Variants in QTGAL observed in about 807,000 individuals in gnomAD.
The protein encoded by QTGAL is BGnT-like protein 1.
At chr17:83,027,699 C>CAAAAAA in the QTGAL span, among the ~76,000 whole-genome samples, 11 of 31,454 alleles carry the variant, frequency 3.5e-4, no homozygotes, top group African/African-American at 3.9e-4. Context: ...GAGACGCTCT[C>CAAAAAA]AAAAAAAAAA....
the QTGAL span, among the ~76,000 whole-genome samples, chr17:82,973,838 C>T: frequency 6.6e-5 from 10 of 152,304 alleles, no homozygotes; most frequent in Admixed American, 6.5e-5. Context: ...CAGGCAGTGG[C>T]CCCACAATGG....
chr17:82,989,054 A>G, the QTGAL span, among the ~76,000 whole-genome samples: 2 of 152,244 alleles, frequency 1.3e-5, no homozygotes, highest in Admixed American at 6.5e-5. Context: ...ATGCACGCGT[A>G]TGTTCACTGC....
the QTGAL span, among the ~76,000 whole-genome samples, chr17:82,990,533 A>C: frequency 1.3e-5 from 2 of 152,262 alleles, no homozygotes; most frequent in Admixed American, 1.3e-4. Flanking sequence ...GAAAAAACAA[A>C]CTTTATTGGT....
At chr17:83,000,037 A>G in the QTGAL span, among the ~76,000 whole-genome samples, 3 of 152,154 alleles carry the variant, frequency 2.0e-5, no homozygotes, top group Non-Finnish European at 4.4e-5. Flanking sequence ...ATCTCAGCTC[A>G]CTGCAACCTC....
At chr17:82,974,844 C>T in the QTGAL span, among the ~76,000 whole-genome samples, 1 of 152,228 alleles carries the variant, frequency 6.6e-6, no homozygotes, top group African/African-American at 2.4e-5. Context: ...CAGGTGGAAG[C>T]AGGCAAAGAA....
the QTGAL span, among the ~76,000 whole-genome samples, chr17:82,966,282 C>T: frequency 4.0e-5 from 6 of 151,380 alleles, no homozygotes; most frequent in East Asian, 1.9e-4. Context: ...CTTAAACTCC[C>T]GGCCTCAAGC....
the QTGAL span, among the ~76,000 whole-genome samples, chr17:82,997,553 G>A: frequency 6.6e-6 from 1 of 152,128 alleles, no homozygotes; most frequent in Non-Finnish European, 1.5e-5. Context: ...CAAAAGAAAG[G>A]AAATCAGTAT....
chr17:82,990,028 A>G, the QTGAL span, among the ~76,000 whole-genome samples: 4 of 152,182 alleles, frequency 2.6e-5, no homozygotes, highest in Non-Finnish European at 5.9e-5. Flanking sequence ...ATGAGCTCAC[A>G]TTCATCTTCT....
the QTGAL span, among the ~76,000 whole-genome samples, chr17:83,036,683 G>A: frequency 2.6e-5 from 4 of 152,150 alleles, no homozygotes; most frequent in Non-Finnish European, 4.4e-5. Flanking sequence ...TGTTAAGAAC[G>A]TGAACCAGCA....
chr17:82,985,594 G>A, the QTGAL span, among the ~76,000 whole-genome samples: 5 of 152,256 alleles, frequency 3.3e-5, no homozygotes, highest in African/African-American at 9.6e-5. Context: ...CCGTTTTCAC[G>A]TGACTCCTGC....
At chr17:82,994,761 C>G in the QTGAL span, among the ~76,000 whole-genome samples, 7 of 152,094 alleles carry the variant, frequency 4.6e-5, no homozygotes, top group African/African-American at 1.7e-4. Context: ...AACTATAGGC[C>G]AATATCACTG....
chr17:82,981,133 G>A, the QTGAL span: 1 of 152,236 alleles, frequency 6.6e-6, no homozygotes, highest in Non-Finnish European at 1.5e-5. Flanking sequence ...CAGGGGGTCA[G>A]AGTCAGGGAT....
chr17:83,028,299 C>T, the QTGAL span, among the ~76,000 whole-genome samples: 75 of 151,278 alleles, frequency 5.0e-4, no homozygotes, highest in Middle Eastern at 3.5e-3. Context: ...CCGAGGCGGG[C>T]GGATCACGAG....
the QTGAL span, chr17:82,957,595 T>TG: frequency 7.0e-7 from 1 of 1,418,794 alleles, no homozygotes; most frequent in Non-Finnish European, 9.5e-7. Context: ...ACGTTGCCAG[T>TG]GGAGTGGACA....
chr17:83,035,241 G>A, the QTGAL span: 94 of 623,500 alleles, frequency 1.5e-4, no homozygotes, highest in African/African-American at 1.3e-3. Flanking sequence ...GTGCAGTGGC[G>A]TGATTTTGGC....
chr17:83,005,914 G>A, the QTGAL span: 1 of 1,339,870 alleles, frequency 7.5e-7, no homozygotes, highest in South Asian at 1.8e-5. This position sits in a 1 kb window ranked among gnomAD's most constrained non-coding sequence, Gnocchi z 5.6. Flanking sequence ...CCAGCACTCA[G>A]CCCTGGCTCT....
chr17:83,014,445 A>G, the QTGAL span: 12 of 1,613,648 alleles, frequency 7.4e-6, no homozygotes, highest in Non-Finnish European at 9.3e-6. Context: ...TAAGGAGGCC[A>G]GTACTTACGC....
the QTGAL span, chr17:82,944,966 C>T: frequency 2.0e-5 from 3 of 152,342 alleles, no homozygotes; most frequent in East Asian, 5.8e-4. Flanking sequence ...TTAATACTAC[C>T]TGTATGATCC....
the QTGAL span, among the ~76,000 whole-genome samples, chr17:82,990,800 G>A: frequency 6.6e-6 from 1 of 152,148 alleles, no homozygotes; most frequent in Non-Finnish European, 1.5e-5. Context: ...ACGTGAGGGT[G>A]GGGCTCTACT....
Sources: gnomAD v4.1 joint callset for allele counts (sites outside exome capture counted in the v4.1 genomes callset) on GRCh38, gnomAD v4.1.1 for gene constraint, Gnocchi (gnomAD v3.1) non-coding constraint, MANE v1.5 for transcripts, NCBI Gene and HGNC (gene_info 2026-07-23, HGNC 2026-07-21) for gene names.